Variants in APC observed in about 807,000 individuals in gnomAD.
The protein encoded by APC is adenomatous polyposis coli protein.
In APC, 72 loss-of-function variants were observed where a neutral mutation model predicts 247.0. The observed-to-expected ratio is 0.29, with a 90% CI of 0.24 to 0.35. The LOEUF (loss-of-function observed/expected upper bound fraction) is 0.35. Ranked by LOEUF, APC falls within the 10% of genes least tolerant of loss-of-function variation. The pLI is 1.00. For missense variants in APC, 3,400 were observed against 3,360.7 expected (o/e 1.01, Z -0.29); for synonymous variants, 1,254 against 1,162.5 (o/e 1.08, Z -1.60).
At chr5:112,795,050 A>G (rs1441716961) in intron 7 of APC, among the ~76,000 whole-genome samples, 1 of 152,108 alleles carries the variant, frequency 6.6e-6, no homozygotes, top group African/African-American at 2.4e-5. Flanking sequence ...TGTTTGAGAC[A>G]GAGTCTCGCT....
chr5:112,788,040 T>C (rs1024502972), intron 6 of APC, among the ~76,000 whole-genome samples: 8 of 152,196 alleles, frequency 5.3e-5, no homozygotes, highest in Admixed American at 3.3e-4. Flanking sequence ...CTCATTATCA[T>C]GTATTGGATA....
At chr5:112,768,861 T>TTATACAGTAGTGTAGAACACAGTCC (rs1370396712) in intron 4 of APC, among the ~76,000 whole-genome samples, 1 of 151,262 alleles carries the variant, frequency 6.6e-6, no homozygotes, top group Non-Finnish European at 1.5e-5. Flanking sequence ...GAACACAGTC[T>TTATACAGTAGTGTAGAACACAGTCC]TATACAGTAG....
rs375084204 is a variant in APC at position 112,757,569 on chromosome 5, C to CA, written c.135+2551dup. On this transcript the variant is annotated intron_variant, in intron 2 of 15. Transcript: ENST00000257430. Reference sequence around the variant, plus strand: ...GCAACATGGCAAGACTCTGTTTCTGCAAAAAAATACAAAAATTAGCCAGGT... The same window carrying CA: ...GCAACATGGCAAGACTCTGTTTCTGCAAAAAAAATACAAAAATTAGCCAGGT... 1.3e-3 allele frequency among the ~76,000 whole-genome samples: 194 copies of CA among 151,812 alleles called. 1 individual carries two copies. The Middle Eastern group carries it at 0.014, about 11-fold the overall frequency.
intron 11 of APC, 90 bp from the exon 12 acceptor site, chr5:112,827,018 T>C: frequency 7.6e-7 from 1 of 1,314,744 alleles, no homozygotes; most frequent in South Asian, 1.3e-5. Context: ...TTGATTGAGT[T>C]TTTTTTTCCT....
chr5:112,747,785 C>T (rs1216902147), intron 1 of APC, among the ~76,000 whole-genome samples: 1 of 152,168 alleles, frequency 6.6e-6, no homozygotes, highest in African/African-American at 2.4e-5. Flanking sequence ...TCCTAGTTCT[C>T]TGTTCTTTCC....
chr5:112,787,641 T>C (rs1038372556), intron 6 of APC, among the ~76,000 whole-genome samples: 11 of 152,218 alleles, frequency 7.2e-5, no homozygotes, highest in African/African-American at 2.7e-4. Context: ...TACTGTTAAA[T>C]GTCTTGTTTT....
chr5:112,769,908 C>T (rs541600576), intron 4 of APC, among the ~76,000 whole-genome samples: 1 of 152,120 alleles, frequency 6.6e-6, no homozygotes, highest in Non-Finnish European at 1.5e-5. Flanking sequence ...GTCTCTGTTT[C>T]ATACATTGAT....
chr5:112,742,283 C>A (rs924511209), intron 1 of APC, among the ~76,000 whole-genome samples: 1 of 152,150 alleles, frequency 6.6e-6, no homozygotes, highest in East Asian at 1.9e-4. Context: ...CCAGTGAAGG[C>A]CGTAAGTTTT....
At chr5:112,722,587 T>A (rs1751544871) in intron 1 of APC, among the ~76,000 whole-genome samples, 1 of 151,160 alleles carries the variant, frequency 6.6e-6, no homozygotes, top group South Asian at 2.1e-4. Flanking sequence ...AGTCCTAGCC[T>A]CTGGAACTTC....
chr5:112,710,477 A>G (rs377718339), intron 1 of APC, among the ~76,000 whole-genome samples: 2 of 151,852 alleles, frequency 1.3e-5, no homozygotes, highest in Admixed American at 6.6e-5. Flanking sequence ...GTGTCCATGT[A>G]CCCTTTCCCA....
At position 112,738,558 on chromosome 5, in the gene APC, A is replaced by G. The variant is rs529250947; in HGVS notation, c.-19+633A>G. On this transcript the variant is annotated intron_variant, in intron 1 of 15. Coordinates refer to ENST00000257430, the MANE Select transcript of APC (RefSeq NM_000038.6). ...ACATCTAAGTAAACTCCCTGTGAAC[A>G]GGGTGGCAAACAGATACCAGTGTCT... 1.5e-4 allele frequency: 141 copies of G among 946,896 alleles called. No individual in the cohort carries two copies. In the South Asian group the frequency reaches 5.7e-3, roughly 39 times the overall value. The allele number at this position is 946,896 out of a possible 1,614,324, so 58.7% of individuals were successfully genotyped here.
chr5:112,722,572 T>A (rs1751543828), intron 1 of APC, among the ~76,000 whole-genome samples: 1 of 151,672 alleles, frequency 6.6e-6, no homozygotes, highest in Admixed American at 6.6e-5. Flanking sequence ...TTCCCCCCAG[T>A]CCCAAGTCCT....
At chr5:112,719,140 G>A (rs1246748732) in intron 1 of APC, among the ~76,000 whole-genome samples, 2 of 152,130 alleles carry the variant, frequency 1.3e-5, no homozygotes, top group African/African-American at 4.8e-5. Flanking sequence ...ACTAAACTGA[G>A]GAGGGACTGC....
intron 3 of APC, among the ~76,000 whole-genome samples, chr5:112,766,864 G>C (rs935659983): frequency 6.6e-6 from 1 of 152,150 alleles, no homozygotes; most frequent in Non-Finnish European, 1.5e-5. Flanking sequence ...TCATTCTGTT[G>C]CTTGAAAATT....
chr5:112,744,829 A>G (rs1446732103), intron 1 of APC, among the ~76,000 whole-genome samples: 1 of 152,248 alleles, frequency 6.6e-6, no homozygotes, highest in African/African-American at 2.4e-5. Flanking sequence ...AACACCAGAC[A>G]GAAGTTATAC....
At chr5:112,762,393 T>C (rs1755772006) in intron 2 of APC, among the ~76,000 whole-genome samples, 1 of 152,176 alleles carries the variant, frequency 6.6e-6, no homozygotes, top group South Asian at 2.1e-4. Flanking sequence ...AGAATGTTCA[T>C]AGTGACATTC....
At chr5:112,776,545 TA>T (rs1483390879) in intron 5 of APC, among the ~76,000 whole-genome samples, 1 of 152,292 alleles carries the variant, frequency 6.6e-6, no homozygotes, top group East Asian at 1.9e-4. Context: ...AACTTTTTGT[TA>T]AGAAATGACT....
chr5:112,779,977 A>G (rs1173548040), intron 5 of APC, among the ~76,000 whole-genome samples: 1 of 152,200 alleles, frequency 6.6e-6, no homozygotes, highest in African/African-American at 2.4e-5. Context: ...ACATTGCCTG[A>G]TTCCCTTCAT....
At chr5:112,738,506 C>T in intron 1 of APC, 1 of 985,112 alleles carries the variant, frequency 1.0e-6, no homozygotes, top group Non-Finnish European at 1.2e-6. Context: ...AAATACTGGT[C>T]ACCAGTAGTG....
Sources: allele counts gnomAD v4.1 joint callset (sites outside exome capture counted in the v4.1 genomes callset), GRCh38; gene constraint gnomAD v4.1.1; transcripts MANE v1.5; gene names NCBI Gene and HGNC (gene_info 2026-07-23, HGNC 2026-07-21).